LSAMP: variants seen among roughly 807,000 people sequenced by gnomAD.
The protein encoded by LSAMP is limbic system associated membrane protein.
Under a neutral mutation model 38.6 loss-of-function variants are expected in LSAMP, and 7 were observed. The ratio of observed to expected loss-of-function variants is 0.18; its 90% CI spans 0.10 to 0.34. The LOEUF is 0.34. Among genes scored for constraint, LSAMP ranks in the 10% least tolerant of loss-of-function variants. The pLI is 1.00. For synonymous variants in LSAMP, 154 were observed against 166.8 expected (o/e 0.92, Z 0.59); for missense variants, 313 against 420.0 (o/e 0.75, Z 2.23).
intron 3 of LSAMP, among the ~76,000 whole-genome samples, chr3:115,892,609 T>A (rs1936628482): frequency 6.6e-6 from 1 of 151,872 alleles, no homozygotes; most frequent in African/African-American, 2.4e-5. Flanking sequence ...CTAGTAGTGT[T>A]CTATTTCTTG....
At chr3:115,933,594 A>G (rs1156907598) in intron 3 of LSAMP, among the ~76,000 whole-genome samples, 1 of 152,198 alleles carries the variant, frequency 6.6e-6, no homozygotes, top group Admixed American at 6.5e-5. Flanking sequence ...AGAAATACTT[A>G]TATCTAGAGC....
chr3:115,942,480 T>A (rs1390483251), intron 3 of LSAMP, among the ~76,000 whole-genome samples: 1 of 152,164 alleles, frequency 6.6e-6, no homozygotes, highest in Non-Finnish European at 1.5e-5. Flanking sequence ...ACAGAAACAC[T>A]GTGGAGTGAA....
intron 3 of LSAMP, among the ~76,000 whole-genome samples, chr3:115,874,682 T>C (rs889293613): frequency 1.6e-4 from 24 of 152,274 alleles, no homozygotes; most frequent in Admixed American, 2.6e-4. Flanking sequence ...TTCAACTTCA[T>C]GAAGCTACCA....
At chr3:115,907,190 T>C (rs1171777110) in intron 3 of LSAMP, among the ~76,000 whole-genome samples, 2 of 152,128 alleles carry the variant, frequency 1.3e-5, no homozygotes, top group Non-Finnish European at 2.9e-5. Context: ...GTTTCTGACA[T>C]TGGCTTCAGT....
intron 1 of LSAMP, among the ~76,000 whole-genome samples, chr3:116,314,644 AG>A (rs1364755081): frequency 6.6e-6 from 1 of 152,196 alleles, no homozygotes; most frequent in Non-Finnish European, 1.5e-5. Context: ...AAGACAGATA[AG>A]GTAGTTCCAG....
chr3:115,854,002 A>G (rs975374459), intron 3 of LSAMP, among the ~76,000 whole-genome samples: 2 of 152,150 alleles, frequency 1.3e-5, no homozygotes, highest in African/African-American at 4.8e-5. Flanking sequence ...AAACCTGTTA[A>G]CTAGGCTTCC....
intron 3 of LSAMP, among the ~76,000 whole-genome samples, chr3:115,989,605 C>T (rs532348555): frequency 6.6e-6 from 1 of 152,124 alleles, no homozygotes; most frequent in East Asian, 1.9e-4. Context: ...ATGCTTGACT[C>T]TGTGTTAGAC....
chr3:116,345,476 A>T (rs2048052968), intron 1 of LSAMP, among the ~76,000 whole-genome samples: 2 of 152,166 alleles, frequency 1.3e-5, no homozygotes, highest in African/African-American at 4.8e-5. Context: ...GTAAAGGAAC[A>T]GATAAATGAC....
chr3:116,161,399 G>A (rs1477150292), intron 1 of LSAMP, among the ~76,000 whole-genome samples: 2 of 152,170 alleles, frequency 1.3e-5, no homozygotes, highest in African/African-American at 4.8e-5. Context: ...TATAGTCATA[G>A]TGTGAACTAA....
chr3:116,301,216 C>T (rs775205858), intron 1 of LSAMP, among the ~76,000 whole-genome samples: 54 of 151,828 alleles, frequency 3.6e-4, no homozygotes, highest in Admixed American at 3.9e-4. Flanking sequence ...AAAGCTACAC[C>T]CGTATGTCTC....
intron 1 of LSAMP, among the ~76,000 whole-genome samples, chr3:116,196,869 G>C (rs1023977607): frequency 3.9e-5 from 6 of 151,954 alleles, no homozygotes; most frequent in Admixed American, 3.3e-4. Flanking sequence ...TCCTTCTTGG[G>C]CTCCCACTCC....
chr3:116,328,193 A>G (rs987400217), intron 1 of LSAMP, among the ~76,000 whole-genome samples: 4 of 152,188 alleles, frequency 2.6e-5, no homozygotes, highest in African/African-American at 9.6e-5. Context: ...GTTGGGCAAT[A>G]AAGCAACGCA....
chr3:116,162,995 G>A (rs1190533675), intron 1 of LSAMP, among the ~76,000 whole-genome samples: 1 of 151,762 alleles, frequency 6.6e-6, no homozygotes, highest in African/African-American at 2.4e-5. Context: ...GTCCTCACTA[G>A]GAACACTAGA....
chr3:116,356,347 T>C (rs914548592), intron 1 of LSAMP, among the ~76,000 whole-genome samples: 3 of 152,214 alleles, frequency 2.0e-5, no homozygotes, highest in African/African-American at 4.8e-5. Flanking sequence ...TCACATGTTC[T>C]CACTCATTTG....
chr3:116,379,277 A>G (rs34584395), intron 1 of LSAMP, among the ~76,000 whole-genome samples: 14,264 of 152,042 alleles, frequency 0.094, 749 homozygotes, highest in Middle Eastern at 0.14. Context: ...TGAGAATTAA[A>G]ACAGACCACT....
At chr3:116,340,411 C>G (rs941362632) in intron 1 of LSAMP, among the ~76,000 whole-genome samples, 1 of 150,290 alleles carries the variant, frequency 6.7e-6, no homozygotes, top group African/African-American at 2.5e-5. Flanking sequence ...AAAGTTATTA[C>G]CCCTTATAAT....
At chr3:116,328,832 A>G (rs867828024) in intron 1 of LSAMP, among the ~76,000 whole-genome samples, 1 of 152,164 alleles carries the variant, frequency 6.6e-6, no homozygotes, top group South Asian at 2.1e-4. Flanking sequence ...AAATTAATGT[A>G]TAGTTTCTAT....
At chr3:116,123,880 A>G (rs935574650) in intron 1 of LSAMP, among the ~76,000 whole-genome samples, 8 of 152,206 alleles carry the variant, frequency 5.3e-5, no homozygotes, top group Non-Finnish European at 1.0e-4. Flanking sequence ...AGAAAAGACT[A>G]TTCACTAAGA....
chr3:115,867,510 C>T (rs983907683), intron 3 of LSAMP, among the ~76,000 whole-genome samples: 16 of 151,976 alleles, frequency 1.1e-4, no homozygotes, highest in Non-Finnish European at 2.4e-4. Context: ...TTATCTGACC[C>T]GCTGTGCTGA....
Sources: allele counts gnomAD v4.1 joint callset (sites outside exome capture counted in the v4.1 genomes callset), GRCh38; gene constraint gnomAD v4.1.1; transcripts MANE v1.5; gene names NCBI Gene and HGNC (gene_info 2026-07-23, HGNC 2026-07-21).